Variants in CAPN8 observed in about 807,000 individuals in gnomAD.
The protein encoded by CAPN8 is calpain 8.
In CAPN8, 87 loss-of-function variants were observed where a neutral mutation model predicts 80.9. The observed-to-expected ratio is 1.07, with a 90% CI of 0.90 to 1.28. The LOEUF is 1.28. Ranked by LOEUF, CAPN8 falls within the 50% of genes most tolerant of loss-of-function variation. The pLI, the probability that CAPN8 is intolerant of heterozygous loss-of-function variation, is 0.00. For missense variants in CAPN8, 757 were observed against 702.0 expected (o/e 1.08, Z -0.89); for synonymous variants, 299 against 273.8 (o/e 1.09, Z -0.91).
intron 1 of CAPN8, among the ~76,000 whole-genome samples, chr1:223,661,867 C>T (rs1428679202): frequency 6.6e-6 from 1 of 152,078 alleles, no homozygotes; most frequent in Non-Finnish European, 1.5e-5. Flanking sequence ...AGTTTGTATG[C>T]CCATGTTTGT....
At chr1:223,611,460 T>C (rs964155882) in intron 11 of CAPN8, among the ~76,000 whole-genome samples, 1 of 152,168 alleles carries the variant, frequency 6.6e-6, no homozygotes, top group Non-Finnish European at 1.5e-5. Flanking sequence ...TAATTAAAAG[T>C]TGGTATAAAT....
chr1:223,645,907 G>A (rs777169471), intron 2 of CAPN8, among the ~76,000 whole-genome samples: 3 of 152,190 alleles, frequency 2.0e-5, no homozygotes, highest in Non-Finnish European at 4.4e-5. Context: ...AAACCAAAGT[G>A]CTCCACTTTC....
intron 15 of CAPN8, 61 bp from the exon 16 acceptor site, chr1:223,549,443 C>A (rs1359310259): frequency 1.3e-6 from 2 of 1,549,270 alleles, no homozygotes; most frequent in Non-Finnish European, 8.7e-7. Context: ...AGGGAAAGAA[C>A]CTCCACGGTA....
rs1307085097 is a variant in CAPN8 at position 223,616,114 on chromosome 1, G to A, written c.1167C>T (p.Ile389=). 13 of 1,551,590 alleles carry A rather than the reference G, an allele frequency of 8.4e-6. No homozygotes were observed. Among genetic ancestry groups the A allele is most frequent in the Non-Finnish European group, 7.0e-6 (8 of 1,146,890 alleles). The change falls in exon 10 of 21, where the codon ATC becomes ATT. Residue 389 remains isoleucine (I), a synonymous_variant. Transcript: ENST00000366872. ...ATYWTNPQFK[I]RLDEVDEDQE... ...GGTCCTCATCCACTTCATCCAAACG[G>A]ATTTTGAACTGGGGATTGGTCCAGT...
intron 16 of CAPN8, among the ~76,000 whole-genome samples, chr1:223,548,809 G>C (rs1262782750): frequency 6.6e-6 from 1 of 152,108 alleles, no homozygotes. Flanking sequence ...ACTAGATCAG[G>C]GAGAACAAAT....
intron 9 of CAPN8, chr1:223,617,665 C>T (rs75792441): frequency 6.6e-6 from 1 of 152,380 alleles, no homozygotes; most frequent in African/African-American, 2.4e-5. Flanking sequence ...TTTTTGTTTA[C>T]TCCTTAACAG....
intron 2 of CAPN8, among the ~76,000 whole-genome samples, chr1:223,646,039 C>G (rs12036952): frequency 6.6e-6 from 1 of 152,186 alleles, no homozygotes; most frequent in Non-Finnish European, 1.5e-5. Context: ...ATAGACTGCA[C>G]TCTGTACAGG....
intron 7 of CAPN8, among the ~76,000 whole-genome samples, chr1:223,622,429 G>A (rs1657425894): frequency 6.6e-6 from 1 of 152,186 alleles, no homozygotes; most frequent in Admixed American, 6.5e-5. Context: ...TTTCTTCTTG[G>A]TGCTGAGGGG....
intron 7 of CAPN8, among the ~76,000 whole-genome samples, 198 bp from the exon 8 acceptor site, chr1:223,620,464 A>G (rs909164214): frequency 6.6e-6 from 1 of 152,314 alleles, no homozygotes; most frequent in South Asian, 2.1e-4. Flanking sequence ...CACGGACTCC[A>G]TGGGCACTAG....
intron 1 of CAPN8, among the ~76,000 whole-genome samples, chr1:223,662,456 A>G (rs1315146239): frequency 6.6e-6 from 1 of 152,142 alleles, no homozygotes; most frequent in Non-Finnish European, 1.5e-5. Flanking sequence ...CTCAAACAAA[A>G]AAAAAGAAAG....
intron 10 of CAPN8, among the ~76,000 whole-genome samples, chr1:223,613,157 T>G (rs1439333381): frequency 1.3e-5 from 2 of 152,202 alleles, no homozygotes; most frequent in African/African-American, 2.4e-5. Flanking sequence ...GACCATCCAT[T>G]ATTTGTGGTT....
At position 223,649,177 on chromosome 1, in the gene CAPN8, G is replaced by A. The variant is rs369231925; in HGVS notation, c.307+5153C>T. Among the ~76,000 whole-genome samples the A allele has an allele frequency of 9.8e-5, 15 of 152,286 alleles. No individual in the cohort carries two copies. In the East Asian group the frequency reaches 2.1e-3, roughly 22 times the overall value. Reference sequence around the variant, plus strand: ...AGGTCTACTTTTATACAGTAGCATCGCTCATGTGGCCTCTGGGACTATTTA... The same window carrying A: ...AGGTCTACTTTTATACAGTAGCATCACTCATGTGGCCTCTGGGACTATTTA... On this transcript the variant is annotated intron_variant, in intron 2 of 20. Coordinates refer to ENST00000366872, the MANE Select transcript of CAPN8 (RefSeq NM_001143962.2).
chr1:223,554,720 T>C (rs1040115397), intron 13 of CAPN8, among the ~76,000 whole-genome samples: 45 of 152,348 alleles, frequency 3.0e-4, no homozygotes, highest in Admixed American at 8.5e-4. Context: ...TAGCAGATTG[T>C]ACCCTTACTG....
At chr1:223,657,729 G>A (rs1298144334) in intron 1 of CAPN8, among the ~76,000 whole-genome samples, 2 of 152,184 alleles carry the variant, frequency 1.3e-5, no homozygotes, top group Non-Finnish European at 2.9e-5. Context: ...TTGCGCCACT[G>A]CACTTTAGCC....
intron 16 of CAPN8, among the ~76,000 whole-genome samples, chr1:223,547,131 C>G (rs116793185): frequency 6.6e-6 from 1 of 152,164 alleles, no homozygotes; most frequent in African/African-American, 2.4e-5. Flanking sequence ...AGACTGGTCT[C>G]GAACTCCTGG....
intron 10 of CAPN8, 41 bp downstream of exon 10, chr1:223,615,929 C>A: frequency 6.4e-7 from 1 of 1,550,446 alleles, no homozygotes; most frequent in East Asian, 2.4e-5. Flanking sequence ...AGCCCCAAAA[C>A]ATCAAGTGTA....
At position 223,627,133 on chromosome 1, in the gene CAPN8, G is replaced by C; in HGVS notation, c.585C>G (p.Leu195=). ...ACCCCTCCACTGTGGAACCTCCAGC[G>C]AGAGCCTCATAACAACCATTAAGCC... ...YAKLNGCYEA[L]AGGSTVEGFE... Residue 195 remains leucine, a synonymous_variant, in exon 5 of 21, where the codon CTC becomes CTG. Coordinates refer to ENST00000366872, the MANE Select transcript of CAPN8 (RefSeq NM_001143962.2). The C allele has an allele frequency of 1.3e-6, 2 of 1,552,336 alleles. No homozygotes were observed. Among genetic ancestry groups the C allele is most frequent in the Non-Finnish European group, 1.7e-6 (2 of 1,147,142 alleles).
At chr1:223,646,549 C>T (rs1317270365) in intron 2 of CAPN8, among the ~76,000 whole-genome samples, 1 of 152,250 alleles carries the variant, frequency 6.6e-6, no homozygotes, top group Admixed American at 6.5e-5. Context: ...CATGCATAGG[C>T]TCCCTTGAGC....
intron 1 of CAPN8, among the ~76,000 whole-genome samples, chr1:223,664,378 T>G (rs1658731749): frequency 6.6e-6 from 1 of 152,250 alleles, no homozygotes; most frequent in Non-Finnish European, 1.5e-5. Context: ...TGTTCCATTG[T>G]GCACTGGCCC....
Sources: gnomAD v4.1 joint callset for allele counts (sites outside exome capture counted in the v4.1 genomes callset) on GRCh38, gnomAD v4.1.1 for gene constraint, MANE v1.5 for transcripts, NCBI Gene and HGNC (gene_info 2026-07-23, HGNC 2026-07-21) for gene names.